Variants in RGSL1 observed in about 807,000 individuals in gnomAD.
The protein encoded by RGSL1 is regulator of G protein signaling like 1, also known as regulator of G protein signaling protein-like.
Under a neutral mutation model 124.7 loss-of-function variants are expected in RGSL1, and 97 were observed. That is an observed-to-expected ratio of 0.78 (90% confidence interval 0.66 to 0.92). RGSL1 has a LOEUF of 0.92. RGSL1 is among the 40% of genes least tolerant of loss of function. RGSL1 has a pLI of 0.00. For synonymous variants in RGSL1, 424 were observed against 438.1 expected (o/e 0.97, Z 0.40); for missense variants, 1,233 against 1,288.4 (o/e 0.96, Z 0.66).
intron 8 of RGSL1, among the ~76,000 whole-genome samples, chr1:182,490,830 G>A (rs1341908299): frequency 1.3e-5 from 2 of 151,984 alleles, no homozygotes; most frequent in African/African-American, 2.4e-5. Context: ...CTTTGCATTT[G>A]GCCAAATCAG....
intron 9 of RGSL1, among the ~76,000 whole-genome samples, chr1:182,494,497 T>G (rs1655765686): frequency 6.6e-6 from 1 of 152,210 alleles, no homozygotes; most frequent in Non-Finnish European, 1.5e-5. Context: ...TTTTTAGCTT[T>G]TTCAATGTGA....
At chr1:182,544,260 G>T (rs1468456681) in intron 15 of RGSL1, among the ~76,000 whole-genome samples, 1 of 151,970 alleles carries the variant, frequency 6.6e-6, no homozygotes, top group Non-Finnish European at 1.5e-5. Context: ...CTGACCCATT[G>T]GTCATTCAGG....
intron 9 of RGSL1, among the ~76,000 whole-genome samples, chr1:182,499,448 T>C (rs1451097617): frequency 6.6e-6 from 1 of 152,218 alleles, no homozygotes; most frequent in East Asian, 1.9e-4. Flanking sequence ...TCTTTTTTGA[T>C]TGTTGTTGAT....
chr1:182,464,752 G>A (rs1653141331), intron 4 of RGSL1, among the ~76,000 whole-genome samples: 1 of 150,382 alleles, frequency 6.6e-6, no homozygotes. Flanking sequence ...AAAAGAAAAA[G>A]AGAAGACTTA....
Position 182,472,407 on chromosome 1 carries a change from G to A in RGSL1, c.313G>A (p.Val105Met), listed in dbSNP as rs1325639437. ...TGTCTCACCCGTAGGTGAAGAATTG[G>A]TGGATTTCTGGATCCTTGCTGAGAA... ...IKSPEGGEEL[V>M]DFWILAENIL... Residue 105 changes from valine to methionine, a missense_variant, in exon 5 of 22, where the codon GTG becomes ATG. By Grantham distance (21) the Val-to-Met change is conservative. Transcript: ENST00000294854. The A allele has an allele frequency of 2.6e-6, 4 of 1,549,466 alleles. No homozygotes were observed. Among genetic ancestry groups the A allele is most frequent in the South Asian group, 1.2e-5 (1 of 83,710 alleles).
At chr1:182,451,151 A>AG (rs1250542074) in intron 1 of RGSL1, among the ~76,000 whole-genome samples, 2 of 151,976 alleles carry the variant, frequency 1.3e-5, no homozygotes, top group Non-Finnish European at 2.9e-5. Flanking sequence ...GGCAAAAAAA[A>AG]AAAAAAAAAA....
chr1:182,520,202 A>T (rs1658229568), intron 9 of RGSL1, among the ~76,000 whole-genome samples: 1 of 152,210 alleles, frequency 6.6e-6, no homozygotes, highest in African/African-American at 2.4e-5. Flanking sequence ...GCATCCAGAT[A>T]ACCTTAATTT....
intron 1 of RGSL1, among the ~76,000 whole-genome samples, chr1:182,451,042 A>G (rs1002334890): frequency 8.1e-4 from 120 of 149,034 alleles, no homozygotes; most frequent in Admixed American, 2.0e-4. Flanking sequence ...GCTACTGGAG[A>G]GGTTGAGACA....
At chr1:182,498,308 T>TGTATATGCCTCCCAGGTGC (rs71124901) in intron 9 of RGSL1, among the ~76,000 whole-genome samples, 118,111 of 151,094 alleles carry the variant, frequency 0.78, 47,220 homozygotes, top group Non-Finnish European at 0.87. Context: ...CTTGCTTTTT[T>TGTATATGCCTCCCAGGTGC]GTATATGCCT....
intron 9 of RGSL1, among the ~76,000 whole-genome samples, chr1:182,514,627 C>A (rs1657721825): frequency 6.6e-6 from 1 of 152,156 alleles, no homozygotes; most frequent in African/African-American, 2.4e-5. Context: ...GAGAAGGGGA[C>A]CTGGACCTTA....
chr1:182,485,007 A>G (rs988877864), intron 6 of RGSL1, among the ~76,000 whole-genome samples: 7 of 152,088 alleles, frequency 4.6e-5, no homozygotes, highest in African/African-American at 1.7e-4. Context: ...CTTGCAGGCC[A>G]CAGGAGGCAG....
At chr1:182,547,627 C>T (rs910073227) in intron 15 of RGSL1, among the ~76,000 whole-genome samples, 4 of 151,910 alleles carry the variant, frequency 2.6e-5, no homozygotes, top group South Asian at 2.1e-4. Flanking sequence ...TTTGGGAGGC[C>T]GAGGTGGGTG....
At chr1:182,551,002 C>A in intron 17 of RGSL1, 98 bp from the exon 18 acceptor site, 2 of 765,712 alleles carry the variant, frequency 2.6e-6, no homozygotes, top group East Asian at 2.7e-5. Context: ...CACCCACATT[C>A]TCTGAGGACT....
intron 15 of RGSL1, among the ~76,000 whole-genome samples, chr1:182,541,229 C>G (rs1316896104): frequency 1.3e-5 from 2 of 152,148 alleles, no homozygotes; most frequent in Non-Finnish European, 1.5e-5. Context: ...CTTGATCAAA[C>G]TGTCTTCATC....
At chr1:182,531,375 T>C (rs573431736) in intron 13 of RGSL1, among the ~76,000 whole-genome samples, 8 of 152,290 alleles carry the variant, frequency 5.3e-5, no homozygotes, top group Admixed American at 3.3e-4. Context: ...AGCTCATTCT[T>C]TCTCCTATGG....
rs150187266 is a variant in RGSL1 at position 182,470,120 on chromosome 1, C to T, written c.302-2276C>T. Reference sequence around the variant, plus strand: ...TGTACAAAATTATTAATACATTTAACACCACTAAACCGTACATTTAAAAAT... The same window carrying T: ...TGTACAAAATTATTAATACATTTAATACCACTAAACCGTACATTTAAAAAT... On this transcript the variant is annotated intron_variant, in intron 4 of 21. Coordinates refer to ENST00000294854, the MANE Select transcript of RGSL1 (RefSeq NM_001137669.2). 1.5e-3 allele frequency among the ~76,000 whole-genome samples: 231 copies of T among 152,226 alleles called. 7 individuals are homozygous for T. Among genetic ancestry groups the T allele is most frequent in the East Asian group, 1.9e-4 (1 of 5,184 alleles).
At position 182,556,176 on chromosome 1, in the gene RGSL1, G is replaced by T; in HGVS notation, c.*119G>T. Reference sequence around the variant, plus strand: ...CATCTTCCCCAGAAACGATCAAGAAGGGCAATGGGTTGACAGCCCAGATAT... The same window carrying T: ...CATCTTCCCCAGAAACGATCAAGAATGGCAATGGGTTGACAGCCCAGATAT... On this transcript the variant is annotated 3_prime_UTR_variant, in exon 21 of 22. Transcript: ENST00000294854. 2.0e-6 allele frequency: 2 copies of T among 1,015,324 alleles called. No individual in the cohort carries two copies. The highest frequency in any genetic ancestry group is 3.2e-5 in the South Asian group (2 of 61,992). The allele number at this position is 1,015,324 out of a possible 1,614,324, so 62.9% of individuals were successfully genotyped here.
intron 4 of RGSL1, among the ~76,000 whole-genome samples, chr1:182,471,680 C>T (rs1225105132): frequency 6.6e-6 from 1 of 152,100 alleles, no homozygotes; most frequent in East Asian, 1.9e-4. Context: ...AGCCATAAGT[C>T]CCTGCTTCAC....
intron 9 of RGSL1, among the ~76,000 whole-genome samples, chr1:182,497,706 C>T (rs568314659): frequency 6.6e-5 from 10 of 152,216 alleles, no homozygotes; most frequent in African/African-American, 2.2e-4. Flanking sequence ...TTTTCTTTGA[C>T]TTTTATATCC....
Sources: allele counts gnomAD v4.1 joint callset (sites outside exome capture counted in the v4.1 genomes callset), GRCh38; gene constraint gnomAD v4.1.1; transcripts MANE v1.5; gene names NCBI Gene and HGNC (gene_info 2026-07-23, HGNC 2026-07-21).